The following TRPM2 variants were observed in gnomAD, a reference collection of about 807,000 sequenced individuals.
TRPM2 encodes the protein estrogen-responsive element-associated gene 1 protein.
TRPM2 carries 161 observed loss-of-function variants against 174.0 expected under a neutral mutation model. That is an observed-to-expected ratio of 0.93 (90% CI 0.81 to 1.05). TRPM2 has a LOEUF of 1.05. TRPM2 is among the 50% of genes least tolerant of loss of function. TRPM2 has a pLI of 0.00. For missense variants in TRPM2, 2,057 were observed against 2,038.0 expected (o/e 1.01, Z -0.18); for synonymous variants, 954 against 861.3 (o/e 1.11, Z -1.88).
At chr21:44,434,674 G>C (rs1345077514) in intron 27 of TRPM2, among the ~76,000 whole-genome samples, 1 of 152,066 alleles carries the variant, frequency 6.6e-6, no homozygotes, top group Non-Finnish European at 1.5e-5. Flanking sequence ...GGTCTGTGTG[G>C]CCTATCATCT....
chr21:44,371,622 A>G (rs1193174283), intron 5 of TRPM2, among the ~76,000 whole-genome samples: 3 of 152,214 alleles, frequency 2.0e-5, no homozygotes, highest in Non-Finnish European at 2.9e-5. Context: ...GATGGCGTGT[A>G]GGTCCCACTA....
chr21:44,437,894 C>T (rs2051340635), intron 29 of TRPM2, among the ~76,000 whole-genome samples: 1 of 152,258 alleles, frequency 6.6e-6, no homozygotes, highest in African/African-American at 2.4e-5. Flanking sequence ...GGCCGTGGCG[C>T]ATGGCCTCTG....
chr21:44,400,370 A>T lies in TRPM2; in HGVS notation c.2320A>T (p.Arg774Trp), dbSNP rs1201961613. 6.2e-7 allele frequency: 1 copy of T among 1,609,946 alleles called. No homozygotes were observed. The highest frequency in any genetic ancestry group is 8.5e-7 in the Non-Finnish European group (1 of 1,179,244). ...PLLLTGLISF[R>W]EKRLQDVGTP... is the part of the protein sequence containing the mutation. ...GCTCCTCACCGGCCTCATCTCCTTC[A>T]GGTGCTGCAGGGCTGCGGGGCTGCG... The change falls in exon 15 of 32, where the codon AGG becomes TGG. Residue 774 changes from arginine (R) to tryptophan (W), a missense_variant and splice_region_variant. Transcript: ENST00000397928.
chr21:44,364,415 C>A, intron 3 of TRPM2, 133 bp downstream of exon 3: 1 of 1,087,656 alleles, frequency 9.2e-7, no homozygotes, highest in South Asian at 1.5e-5. Context: ...GCCCACTGCA[C>A]AGCAAGGGAA....
chr21:44,429,999 G>A (rs1306382963), intron 27 of TRPM2, among the ~76,000 whole-genome samples: 2 of 152,156 alleles, frequency 1.3e-5, no homozygotes, highest in East Asian at 1.9e-4. Context: ...GCTACTAAAT[G>A]GTTTTTCTGC....
intron 22 of TRPM2, 140 bp downstream of exon 22, chr21:44,418,695 C>T: frequency 9.1e-7 from 1 of 1,104,886 alleles, no homozygotes; most frequent in Non-Finnish European, 1.3e-6. Context: ...CCCGTGGCCC[C>T]TGCAATGCTG....
At chr21:44,406,904 G>T in intron 19 of TRPM2, 139 bp downstream of exon 19, 2 of 1,166,470 alleles carry the variant, frequency 1.7e-6, no homozygotes, top group African/African-American at 1.6e-5. Context: ...GTCCTCCCTG[G>T]GGGCATTCAT....
chr21:44,399,538 A>G lies in TRPM2; in HGVS notation c.2208+97A>G, dbSNP rs2146274317. 2 of 1,474,816 alleles carry G rather than the reference A, an allele frequency of 1.4e-6. No individual in the cohort carries two copies. The highest frequency in any genetic ancestry group is 1.8e-6 in the Non-Finnish European group (2 of 1,107,276). The allele number at this position is 1,474,816 out of a possible 1,614,324, so 91.4% of individuals were successfully genotyped here. A position where few individuals can be genotyped will look rare whatever the true frequency, so the allele number is the denominator to read the frequency against. On this transcript the variant is annotated intron_variant, in intron 14 of 31. Coordinates refer to ENST00000397928, the MANE Select transcript of TRPM2 (RefSeq NM_003307.4). This position sits in a 1 kb window ranked among gnomAD's most constrained non-coding sequence, Gnocchi z 4.6. ...GTGCAGTTGGCACGCACACTCACAC[A>G]GGCTTCAGGGCCCTCAGCAGCTCGG...
At chr21:44,403,388 T>C (rs1354965553) in intron 16 of TRPM2, among the ~76,000 whole-genome samples, 1 of 152,174 alleles carries the variant, frequency 6.6e-6, no homozygotes, top group African/African-American at 2.4e-5. Context: ...AAAGAAACAG[T>C]GTGGCCCCTG....
intron 2 of TRPM2, among the ~76,000 whole-genome samples, chr21:44,363,258 G>C (rs1432609712): frequency 6.6e-6 from 1 of 152,132 alleles, no homozygotes; most frequent in African/African-American, 2.4e-5. Context: ...CAGGATCACT[G>C]TCTTTTTCTT....
chr21:44,412,827 C>T (rs1301646166), intron 19 of TRPM2, among the ~76,000 whole-genome samples: 1 of 151,910 alleles, frequency 6.6e-6, no homozygotes, highest in Non-Finnish European at 1.5e-5. Context: ...ATAATTTCAG[C>T]TCTTCTTTAT....
intron 2 of TRPM2, among the ~76,000 whole-genome samples, chr21:44,363,845 T>G (rs1250240076): frequency 6.6e-6 from 1 of 152,184 alleles, no homozygotes; most frequent in Non-Finnish European, 1.5e-5. Context: ...CCCCCATCAC[T>G]GCCCCACAAA....
In TRPM2 at chr21:44,391,104, T is replaced by A; in HGVS notation, c.1440+79T>A. ...ACCACTGAAGCAAGGGCAGGCAAAG[T>A]TCGCATTGTCTGGATCCCAGCCCTT... On this transcript the variant is annotated intron_variant, in intron 10 of 31. Transcript: ENST00000397928. This position sits in a 1 kb window ranked among gnomAD's most constrained non-coding sequence, Gnocchi z 5.0. 6.3e-7 allele frequency: 1 copy of A among 1,599,366 alleles called. No individual in the cohort carries two copies. Among genetic ancestry groups the A allele is most frequent in the Non-Finnish European group, 8.5e-7 (1 of 1,170,326 alleles).
upstream of TRPM2, among the ~76,000 whole-genome samples, chr21:44,352,185 A>G (rs564773998): frequency 6.6e-6 from 1 of 152,218 alleles, no homozygotes; most frequent in African/African-American, 2.4e-5. Flanking sequence ...CTGCGGGGAC[A>G]GCTCATGGCC....
At chr21:44,426,088 C>T (rs551647172) in intron 25 of TRPM2, among the ~76,000 whole-genome samples, 1 of 152,300 alleles carries the variant, frequency 6.6e-6, no homozygotes, top group East Asian at 1.9e-4. Flanking sequence ...GGCTTAGGCT[C>T]CTCCCATGAC....
intron 19 of TRPM2, among the ~76,000 whole-genome samples, chr21:44,410,335 C>T (rs1417384618): frequency 5.1e-5 from 4 of 78,636 alleles, no homozygotes; most frequent in African/African-American, 1.3e-4. Context: ...GTTTTGACCA[C>T]ACTGTCTTGG....
intron 19 of TRPM2, among the ~76,000 whole-genome samples, chr21:44,413,466 C>T (rs2050173036): frequency 6.6e-6 from 1 of 152,188 alleles, no homozygotes; most frequent in Non-Finnish European, 1.5e-5. Context: ...TGGTCTCAAA[C>T]TCCTGACCTC....
chr21:44,437,732 C>T (rs1569122146), intron 29 of TRPM2, among the ~76,000 whole-genome samples: 1 of 152,208 alleles, frequency 6.6e-6, no homozygotes, highest in Non-Finnish European at 1.5e-5. Flanking sequence ...TGCACACAAT[C>T]AGGACAGATG....
Position 44,400,312 on chromosome 21 carries a change from G to A in TRPM2, c.2262G>A (p.Trp754Ter), listed in dbSNP as rs2049573582. Residue 754 changes from tryptophan to a stop codon, truncating the protein, a stop_gained, in exon 15 of 32, where the codon TGG becomes TGA. Coordinates refer to ENST00000397928, the MANE Select transcript of TRPM2 (RefSeq NM_003307.4). LOFTEE classifies it high-confidence loss of function. ...WGQLSVDNGLWRVTLCMLAFP... is the reference protein window; with the variant it reads ...WGQLSVDNGL The stretch of plus-strand genomic sequence containing the variant: ...AGCTCTCCGTGGACAATGGGCTGTG[G>A]CGTGTGACCCTGTGCATGCTGGCCT... The A allele has an allele frequency of 6.2e-7, 1 of 1,612,944 alleles. No homozygotes were observed. Among genetic ancestry groups the A allele is most frequent in the South Asian group, 1.1e-5 (1 of 91,054 alleles).
Sources: allele counts gnomAD v4.1 joint callset (sites outside exome capture counted in the v4.1 genomes callset), GRCh38; gene constraint gnomAD v4.1.1; non-coding constraint Gnocchi (gnomAD v3.1); transcripts MANE v1.5; gene names NCBI Gene and HGNC (gene_info 2026-07-23, HGNC 2026-07-21).